The following RTN3 variants were observed in gnomAD, a reference collection of about 807,000 sequenced individuals.
RTN3 encodes reticulon 3, also known as reticulon-3.
In RTN3, 49 loss-of-function variants were observed where a neutral mutation model predicts 77.8. The ratio of observed to expected loss-of-function variants is 0.63; its 90% CI spans 0.50 to 0.80. RTN3 has a LOEUF of 0.80. RTN3 is among the 30% of genes least tolerant of loss of function. RTN3 has a pLI of 0.00. For missense variants in RTN3, 1,236 were observed against 1,211.9 expected, an observed-to-expected ratio of 1.02 and a Z score of -0.29; for synonymous variants, 464 against 446.9, an observed-to-expected ratio of 1.04 and a Z score of -0.48.
intron 3 of RTN3, among the ~76,000 whole-genome samples, chr11:63,735,036 A>C (rs1205788691): frequency 6.6e-6 from 1 of 152,168 alleles, no homozygotes; most frequent in Non-Finnish European, 1.5e-5. Flanking sequence ...AATAAAAAAA[A>C]AACTTTTTTT....
rs919633583 is a variant in RTN3 at position 63,750,013 on chromosome 11, A to T, written c.2553A>T (p.Arg851Ser). ...CAGTGCACGATCTGATTTTCTGGAG[A>T]GATGTGAAGAAGACTGGGTTTGTCT... ...DFSVHDLIFW[R>S]DVKKTGFVFG... Residue 851 changes from arginine to serine, a missense_variant, in exon 4 of 9, where the codon AGA becomes AGT. Physicochemically the swap from Arg to Ser is moderately radical, Grantham distance 110. This residue lies in a region of RTN3 where 39 missense variants were observed against 66.6 expected (regional missense o/e 0.59). Coordinates refer to ENST00000377819, the MANE Select transcript of RTN3 (RefSeq NM_001265589.2). 36 of 1,613,592 alleles carry T rather than the reference A, an allele frequency of 2.2e-5. No homozygotes were observed. Among genetic ancestry groups the T allele is most frequent in the Non-Finnish European group, 2.7e-5 (32 of 1,179,734 alleles).
chr11:63,730,806 A>G (rs1217825272), intron 3 of RTN3, among the ~76,000 whole-genome samples: 1 of 152,140 alleles, frequency 6.6e-6, no homozygotes, highest in East Asian at 1.9e-4. Flanking sequence ...TGACAGAGTG[A>G]GACCCTGTCT....
At chr11:63,725,905 C>T (rs909804229) in intron 3 of RTN3, among the ~76,000 whole-genome samples, 3 of 151,990 alleles carry the variant, frequency 2.0e-5, no homozygotes, top group East Asian at 1.9e-4. Context: ...TAAAAATGTT[C>T]GTAATTTATT....
intron 2 of RTN3, among the ~76,000 whole-genome samples, chr11:63,706,055 G>T (rs942900690): frequency 2.0e-5 from 3 of 152,174 alleles, no homozygotes; most frequent in African/African-American, 7.2e-5. Context: ...TGTTACAGGT[G>T]GAGTTCTCTA....
chr11:63,719,108 T>A lies in RTN3; in HGVS notation c.606T>A (p.Asp202Glu), dbSNP rs1298184704. ...SREAKTALDADDRFTLLTAQK... is the reference protein window; with the variant it reads ...SREAKTALDAEDRFTLLTAQK... ...AGGCTAAAACTGCATTGGATGCTGA[T>A]GACAGATTCACTTTGCTGACAGCCC... The change falls in exon 3 of 9, where the codon GAT becomes GAA. Residue 202 changes from aspartate to glutamate, a missense_variant. Coordinates refer to ENST00000377819, the MANE Select transcript of RTN3 (RefSeq NM_001265589.2). 1 of 1,614,178 alleles carries A rather than the reference T, an allele frequency of 6.2e-7. No homozygotes were observed. Among genetic ancestry groups the A allele is most frequent in the South Asian group, 1.1e-5 (1 of 91,076 alleles).
chr11:63,719,799 A>G lies in RTN3; in HGVS notation c.1297A>G (p.Ile433Val), dbSNP rs1262798165. 1 of 1,614,106 alleles carries G rather than the reference A, an allele frequency of 6.2e-7. No individual in the cohort carries two copies. Among genetic ancestry groups the G allele is most frequent in the Non-Finnish European group, 8.5e-7 (1 of 1,180,046 alleles). Residue 433 changes from isoleucine to valine, a missense_variant, in exon 3 of 9, where the codon ATC (isoleucine) becomes GTC (valine). This residue lies in a region of RTN3 where 1,056 missense variants were observed against 990.4 expected (regional missense o/e 1.07). Coordinates refer to ENST00000377819, the MANE Select transcript of RTN3 (RefSeq NM_001265589.2). Reference protein sequence around the residue: ...DSLNSTKEFSIKGVQGNMQKQ... With the variant: ...DSLNSTKEFSVKGVQGNMQKQ... ...TTTGAATTCCACAAAAGAATTCAGT[A>G]TCAAAGGTGTGCAAGGCAATATGCA...
At chr11:63,692,498 C>T (rs1941714922) in intron 1 of RTN3, among the ~76,000 whole-genome samples, 1 of 152,128 alleles carries the variant, frequency 6.6e-6, no homozygotes, top group Non-Finnish European at 1.5e-5. Context: ...GTGGCTCATG[C>T]CTGTAATCCC....
At position 63,749,086 on chromosome 11, in the gene RTN3, A is replaced by C. The variant is rs567271813; in HGVS notation, c.2531-905A>C. 2.8e-4 allele frequency among the ~76,000 whole-genome samples: 43 copies of C among 152,272 alleles called. 2 individuals are homozygous for C. The South Asian group carries it at 8.5e-3, about 30-fold the overall frequency. On this transcript the variant is annotated intron_variant, in intron 3 of 8. Coordinates refer to ENST00000377819, the MANE Select transcript of RTN3 (RefSeq NM_001265589.2). ...TGCTTGAAGCCAGGAGTTCGAGACT[A>C]GCCTGGCAGCATATTGAGACCCTGT... is the stretch of plus-strand genomic sequence containing the variant.
At position 63,753,701 on chromosome 11, in the gene RTN3, A is replaced by C; in HGVS notation, c.2987A>C (p.Lys996Thr). The C allele has an allele frequency of 1.2e-6, 2 of 1,613,688 alleles. No homozygotes were observed. The highest frequency in any genetic ancestry group is 1.7e-6 in the Non-Finnish European group (2 of 1,179,636). The change falls in exon 7 of 9, where the codon AAG (lysine) becomes ACG (threonine). Residue 996 changes from lysine to threonine, a missense_variant. Transcript: ENST00000377819. The stretch of plus-strand genomic sequence containing the variant: ...TTCAGTGTCCCGATTGTCTATGAGA[A>C]GTACAAGGTAAGCATTTATCTGTTC... ...LIFSVPIVYE[K>T]YKTQIDHYVG... is the part of the protein sequence containing the mutation.
At chr11:63,726,868 A>C (rs1315855264) in intron 3 of RTN3, among the ~76,000 whole-genome samples, 23 of 101,394 alleles carry the variant, frequency 2.3e-4, no homozygotes, top group African/African-American at 6.1e-4. Flanking sequence ...TCTGAAAAAA[A>C]AAAAAAAAAA....
At chr11:63,710,343 G>T (rs1411606875) in intron 2 of RTN3, among the ~76,000 whole-genome samples, 1 of 151,062 alleles carries the variant, frequency 6.6e-6, no homozygotes, top group East Asian at 1.9e-4. Flanking sequence ...AGACATTGTA[G>T]TTTTTTTGTT....
At chr11:63,742,334 T>C (rs2013534725) in intron 3 of RTN3, among the ~76,000 whole-genome samples, 1 of 151,076 alleles carries the variant, frequency 6.6e-6, no homozygotes, top group Non-Finnish European at 1.5e-5. Context: ...GATTAGCTTG[T>C]CCATTTTTAC....
At position 63,681,788 on chromosome 11, in the gene RTN3, G is replaced by A; in HGVS notation, c.142+10G>A. ...AGCTCCTCCTGTGCGGGTAAGGCGC[G>A]CGGGGAGCCCCCGCCCTGGGAAAGA... On this transcript the variant is annotated intron_variant, in intron 1 of 8. Transcript: ENST00000377819. 4.5e-6 allele frequency: 7 copies of A among 1,558,644 alleles called. No homozygotes were observed. Among genetic ancestry groups the A allele is most frequent in the Non-Finnish European group, 6.0e-6 (7 of 1,157,532 alleles).
intron 1 of RTN3, among the ~76,000 whole-genome samples, chr11:63,702,406 C>A (rs1942284080): frequency 6.6e-6 from 1 of 150,982 alleles, no homozygotes; most frequent in Non-Finnish European, 1.5e-5. Flanking sequence ...CCTCTGCCAC[C>A]CGGGTTCAAG....
At chr11:63,685,342 A>G (rs1470471639) in intron 1 of RTN3, among the ~76,000 whole-genome samples, 1 of 151,494 alleles carries the variant, frequency 6.6e-6, no homozygotes, top group Non-Finnish European at 1.5e-5. Flanking sequence ...TAAAAAATAC[A>G]AAAATTAGCC....
intron 3 of RTN3, among the ~76,000 whole-genome samples, chr11:63,742,381 C>T (rs977698457): frequency 6.6e-6 from 1 of 151,528 alleles, no homozygotes; most frequent in African/African-American, 2.4e-5. Flanking sequence ...CGCAGTGGCT[C>T]ATGCCTGTAA....
intron 7 of RTN3, among the ~76,000 whole-genome samples, chr11:63,755,733 G>T (rs1032641540): frequency 3.8e-4 from 57 of 151,512 alleles, no homozygotes; most frequent in Admixed American, 8.5e-4. Context: ...GCCGAGGTGG[G>T]TGGATCACGA....
intron 1 of RTN3, among the ~76,000 whole-genome samples, chr11:63,693,892 T>TG (rs1352105777): frequency 1.3e-5 from 2 of 152,098 alleles, no homozygotes; most frequent in Non-Finnish European, 2.9e-5. Flanking sequence ...GAGGCCAAGA[T>TG]GGGAGGATTG....
intron 3 of RTN3, among the ~76,000 whole-genome samples, chr11:63,741,355 A>G (rs1264931463): frequency 2.0e-5 from 3 of 150,500 alleles, no homozygotes; most frequent in Admixed American, 6.6e-5. Context: ...GGCGTGTGCC[A>G]CCACGCCTGG....
Sources: allele counts gnomAD v4.1 joint callset (sites outside exome capture counted in the v4.1 genomes callset), GRCh38; gene constraint gnomAD v4.1.1; regional missense constraint gnomAD v4.1.1; transcripts MANE v1.5; gene names NCBI Gene and HGNC (gene_info 2026-07-23, HGNC 2026-07-21).